The following RNF180 variants were observed in gnomAD, a reference collection of about 807,000 sequenced individuals.
RNF180 encodes ring finger protein 180.
RNF180 carries 38 observed loss-of-function variants against 59.2 expected under a neutral mutation model. That is an observed-to-expected ratio of 0.64 (90% CI 0.50 to 0.84). RNF180 has a LOEUF of 0.84. Ranked by LOEUF, RNF180 falls within the 40% of genes least tolerant of loss-of-function variation. The pLI is 0.00. For missense variants in RNF180, 705 were observed against 700.9 expected (o/e 1.01, Z -0.07); for synonymous variants, 262 against 240.3 (o/e 1.09, Z -0.84).
intron 5 of RNF180, among the ~76,000 whole-genome samples, chr5:64,292,160 T>G (rs1292737261): frequency 2.0e-5 from 3 of 152,170 alleles, no homozygotes; most frequent in Non-Finnish European, 4.4e-5. Flanking sequence ...TCAGCCCAGT[T>G]CGTGCCCTTG....
Position 64,167,149 on chromosome 5 carries a change from T to C in RNF180, c.-1+1196T>C, listed in dbSNP as rs112402367. 2.6e-5 allele frequency among the ~76,000 whole-genome samples: 4 copies of C among 152,322 alleles called. 1 individual carries two copies. Among genetic ancestry groups the C allele is most frequent in the African/African-American group, 9.6e-5 (4 of 41,576 alleles). On this transcript the variant is annotated intron_variant, in intron 1 of 7. Transcript: ENST00000389100. ...CAGCCCAAAGATACTTTGGTGACAA[T>C]GGCAGAAACTCTAAATATTTATTTA...
chr5:64,350,757 C>G (rs541774778), intron 7 of RNF180, among the ~76,000 whole-genome samples: 47 of 152,188 alleles, frequency 3.1e-4, no homozygotes, highest in African/African-American at 1.1e-3. Context: ...TGTTCTGTTC[C>G]ATTGGTCTAT....
rs368105758 is a variant in RNF180 at position 64,324,849 on chromosome 5, A to G, written c.1228-337A>G. Reference sequence around the variant, plus strand: ...TGACAACCAGTTTATTTGCTGTGGTAGGAATGGGGTAGATAGAGAATCTAC... The same window carrying G: ...TGACAACCAGTTTATTTGCTGTGGTGGGAATGGGGTAGATAGAGAATCTAC... On this transcript the variant is annotated intron_variant, in intron 5 of 7. Coordinates refer to ENST00000389100, the MANE Select transcript of RNF180 (RefSeq NM_001113561.2). 3.2e-4 allele frequency among the ~76,000 whole-genome samples: 49 copies of G among 152,340 alleles called. No individual in the cohort carries two copies. The East Asian group carries it at 7.7e-3, about 24-fold the overall frequency.
chr5:64,325,525 TCTC>T, intron 6 of RNF180, 114 bp downstream of exon 6: 1 of 776,692 alleles, frequency 1.3e-6, no homozygotes, highest in Non-Finnish European at 2.1e-6. Flanking sequence ...AATTTGTTAT[TCTC>T]CAGTTTATAA....
intron 5 of RNF180, among the ~76,000 whole-genome samples, chr5:64,276,299 C>G (rs915140750): frequency 6.1e-5 from 9 of 146,448 alleles, no homozygotes; most frequent in Non-Finnish European, 1.2e-4. Flanking sequence ...ATAACCAGAA[C>G]TGGGAACAAA....
chr5:64,304,900 T>A lies in RNF180; in HGVS notation c.1228-20286T>A, dbSNP rs528199964. On this transcript the variant is annotated intron_variant, in intron 5 of 7. Transcript: ENST00000389100. ...TCTAACAATGCAGAAAACTTCATTG[T>A]TGTCACAGGCACTCCTTCCTCCAGC... Among the ~76,000 whole-genome samples, 303 of 151,722 alleles carry A rather than the reference T, an allele frequency of 2.0e-3. 1 individual carries two copies. Among genetic ancestry groups the A allele is most frequent in the Non-Finnish European group, 3.7e-3 (253 of 67,706 alleles).
intron 7 of RNF180, among the ~76,000 whole-genome samples, chr5:64,348,724 T>C (rs1745659035): frequency 6.6e-6 from 1 of 152,042 alleles, no homozygotes; most frequent in Non-Finnish European, 1.5e-5. Context: ...TGGGATGATA[T>C]TTAAAATATT....
intron 7 of RNF180, among the ~76,000 whole-genome samples, chr5:64,341,878 T>C (rs1561271862): frequency 6.6e-6 from 1 of 152,176 alleles, no homozygotes; most frequent in Non-Finnish European, 1.5e-5. Context: ...ATCTGATCTA[T>C]ACAACATTTG....
At chr5:64,283,515 T>C (rs1580176092) in intron 5 of RNF180, among the ~76,000 whole-genome samples, 1 of 152,270 alleles carries the variant, frequency 6.6e-6, no homozygotes, top group East Asian at 1.9e-4. Context: ...TCACCTTGAA[T>C]TATAATCCTC....
chr5:64,173,794 C>T (rs1277842529), intron 1 of RNF180, among the ~76,000 whole-genome samples: 1 of 151,600 alleles, frequency 6.6e-6, no homozygotes, highest in East Asian at 1.9e-4. Context: ...CGGCTCACTG[C>T]AACCTCTGCC....
intron 2 of RNF180, among the ~76,000 whole-genome samples, chr5:64,206,282 A>G (rs965798015): frequency 1.3e-5 from 2 of 152,216 alleles, no homozygotes; most frequent in Non-Finnish European, 2.9e-5. Flanking sequence ...GGGATGGTCA[A>G]ACACTTACAA....
intron 6 of RNF180, 109 bp from the exon 7 acceptor site, chr5:64,330,172 G>A (rs1443915294): frequency 4.0e-6 from 3 of 746,360 alleles, no homozygotes; most frequent in Non-Finnish European, 6.5e-6. Context: ...ACTTAAAGAG[G>A]TGTGAATTGT....
intron 5 of RNF180, among the ~76,000 whole-genome samples, chr5:64,240,830 T>C (rs1444268132): frequency 6.6e-6 from 1 of 152,210 alleles, no homozygotes; most frequent in East Asian, 1.9e-4. Flanking sequence ...CTTATTAGAC[T>C]ACCCTTTCTG....
chr5:64,203,004 A>T (rs1579992443), intron 2 of RNF180, among the ~76,000 whole-genome samples: 1 of 152,204 alleles, frequency 6.6e-6, no homozygotes. Flanking sequence ...ATATCATATG[A>T]TGTCACTTCT....
At chr5:64,362,854 T>G (rs1746310314) in intron 7 of RNF180, among the ~76,000 whole-genome samples, 2 of 150,616 alleles carry the variant, frequency 1.3e-5, no homozygotes, top group South Asian at 2.1e-4. Flanking sequence ...TATTGAGCTT[T>G]TTTGCTGTTT....
Position 64,370,087 on chromosome 5 carries a change from A to G in RNF180, c.*273A>G, listed in dbSNP as rs1032331057. 1 of 214,660 alleles carries G rather than the reference A, an allele frequency of 4.7e-6. No homozygotes were observed. Among genetic ancestry groups the G allele is most frequent in the Non-Finnish European group, 9.1e-6 (1 of 109,662 alleles). 13.3% of individuals were successfully genotyped at this position (214,660 alleles called of 1,614,324 possible). A position where few individuals can be genotyped will look rare whatever the true frequency, so the allele number is the denominator to read the frequency against. The stretch of plus-strand genomic sequence containing the variant: ...TAGGATTTGGGGCTCTGATTTTATA[A>G]TATCACTTTAATACTTATTTTGATT... On this transcript the variant is annotated 3_prime_UTR_variant, in exon 8 of 8. Transcript: ENST00000389100.
At chr5:64,318,741 A>G (rs1308077134) in intron 5 of RNF180, among the ~76,000 whole-genome samples, 1 of 152,214 alleles carries the variant, frequency 6.6e-6, no homozygotes, top group African/African-American at 2.4e-5. Context: ...GGAACACAGC[A>G]ATATACCATC....
intron 5 of RNF180, among the ~76,000 whole-genome samples, chr5:64,300,831 T>C (rs958389427): frequency 6.6e-6 from 1 of 151,826 alleles, no homozygotes; most frequent in African/African-American, 2.4e-5. Flanking sequence ...CATGTATTAC[T>C]AACTCTTTTC....
At chr5:64,282,168 T>A (rs1742046746) in intron 5 of RNF180, among the ~76,000 whole-genome samples, 1 of 152,152 alleles carries the variant, frequency 6.6e-6, no homozygotes, top group Non-Finnish European at 1.5e-5. Context: ...GCTGTGAACT[T>A]CTCTGGTCTG....
Sources: allele counts gnomAD v4.1 joint callset (sites outside exome capture counted in the v4.1 genomes callset), GRCh38; gene constraint gnomAD v4.1.1; transcripts MANE v1.5; gene names NCBI Gene and HGNC (gene_info 2026-07-23, HGNC 2026-07-21).